L1CAM: variants seen among roughly 807,000 people sequenced by gnomAD.
L1CAM encodes neural cell adhesion molecule L1.
L1CAM carries 8 observed loss-of-function variants against 93.0 expected under a neutral mutation model. That is an observed-to-expected ratio of 0.09 (90% CI 0.05 to 0.16). The LOEUF is 0.16. L1CAM is among the 10% of genes least tolerant of loss of function. The pLI, the probability that L1CAM is intolerant of heterozygous loss-of-function variation, is 1.00. For synonymous variants in L1CAM, 453 were observed against 453.0 expected (o/e 1.00, Z 0.00); for missense variants, 777 against 1,073.4 (o/e 0.72, Z 3.86).
intron 1 of L1CAM, 173 bp downstream of exon 1, chrX:153,885,892 C>A: frequency 1.4e-6 from 1 of 691,979 alleles, no homozygotes; most frequent in Non-Finnish European, 1.8e-6. Flanking sequence ...TTACAGCCCG[C>A]GGTGCCCGGA....
intron 5 of L1CAM, among the ~76,000 whole-genome samples, chrX:153,871,934 G>A (rs2064774191): frequency 9.4e-6 from 1 of 106,429 alleles, no homozygotes; most frequent in Non-Finnish European, 1.9e-5. Flanking sequence ...GAGTGAAAGG[G>A]CATGAGATGA....
In L1CAM at chrX:153,865,045, G is replaced by C. The variant is rs781985695; in HGVS notation, c.2872+43C>G. On this transcript the variant is annotated intron_variant, in intron 22 of 28. Coordinates refer to ENST00000370060, the MANE Select transcript of L1CAM (RefSeq NM_001278116.2). ...GTGGCTGCAGCTCTGCCCCCTCCCC[G>C]TGGCCCCTCCACCTCCCTTCCCTGC... 15 of 1,210,516 alleles carry C rather than the reference G, an allele frequency of 1.2e-5. No individual in the cohort carries two copies. The African/African-American group carries it at 2.4e-4, about 20-fold the overall frequency.
chrX:153,865,078 G>A lies in L1CAM; in HGVS notation c.2872+10C>T. 2.5e-6 allele frequency: 3 copies of A among 1,211,253 alleles called. No individual in the cohort carries two copies. The highest frequency in any genetic ancestry group is 3.4e-6 in the Non-Finnish European group (3 of 895,413). On this transcript the variant is annotated intron_variant, in intron 22 of 28. Coordinates refer to ENST00000370060, the MANE Select transcript of L1CAM (RefSeq NM_001278116.2). ...TCCACCTCCCTTCCCTGCTGGGGCG[G>A]CGCACGCACGGGGGTGGTAGGAGAG...
chrX:153,885,496 C>A, intron 1 of L1CAM: 2 of 808,554 alleles, frequency 2.5e-6, no homozygotes, highest in Non-Finnish European at 1.6e-6. Flanking sequence ...ACAAAGCCCC[C>A]CCAACCTTGG....
chrX:153,863,177 G>A (rs1446986801), intron 28 of L1CAM, among the ~76,000 whole-genome samples, 191 bp downstream of exon 28: 2 of 111,815 alleles, frequency 1.8e-5, no homozygotes, highest in African/African-American at 6.5e-5. Context: ...GGGGAGCAGT[G>A]AAGGTATCTG....
intron 1 of L1CAM, chrX:153,876,242 C>T (rs2064813316): frequency 7.8e-6 from 3 of 383,218 alleles, no homozygotes; most frequent in Non-Finnish European, 1.4e-5. Flanking sequence ...GCCCCATCAG[C>T]TCCCCTGTGC....
chrX:153,869,834 G>A lies in L1CAM; in HGVS notation c.1092C>T (p.Val364=), dbSNP rs782563773. The change falls in exon 10 of 29, where the codon GTC becomes GTT. Residue 364 remains valine, a synonymous_variant. Coordinates refer to ENST00000370060, the MANE Select transcript of L1CAM (RefSeq NM_001278116.2). ...CQVQGRPQPE[V]TWRINGIPVE... ...CAGGGATCCCGTTGATTCTCCAGGT[G>A]ACCTCTGGTTGGGGCCTGCCCTGGA... 8 of 1,211,079 alleles carry A rather than the reference G, an allele frequency of 6.6e-6. No individual in the cohort carries two copies. The highest frequency in any genetic ancestry group is 2.3e-4 in the Middle Eastern group (1 of 4,356).
At position 153,868,550 on chromosome X, in the gene L1CAM, G is replaced by A. The variant is rs1557091872; in HGVS notation, c.1546+11C>T. On this transcript the variant is annotated intron_variant, in intron 13 of 28. Transcript: ENST00000370060. ...GAGGCACTGCCAGCCATGTGGCAAGGGTTGCCTGACCTTTAACCTTCAGGT... is the reference window on the plus strand; with the variant it reads ...GAGGCACTGCCAGCCATGTGGCAAGAGTTGCCTGACCTTTAACCTTCAGGT... 9 of 1,211,162 alleles carry A rather than the reference G, an allele frequency of 7.4e-6. No individual in the cohort carries two copies. In the African/African-American group the frequency reaches 1.4e-4, roughly 19 times the overall value.
In L1CAM at chrX:153,868,711, T is replaced by A. The variant is rs201070961; in HGVS notation, c.1396A>T (p.Thr466Ser). 1 of 1,211,741 alleles carries A rather than the reference T, an allele frequency of 8.3e-7. No homozygotes were observed. ...AAGCGTTCGTCCTGAAGCACTGTTG[T>A]CCCATCCTCGTCCAGCCTGGAGGGA... ...PSVQWLDEDG[T>S]TVLQDERFFP... Residue 466 changes from threonine (T) to serine (S), a missense_variant, in exon 13 of 29, where the codon ACA (threonine) becomes TCA (serine). Around this residue, in one of 5 missense-constraint regions of L1CAM, gnomAD observed 574 missense variants for 781.0 expected, o/e 0.73. Transcript: ENST00000370060.
chrX:153,880,994 A>T (rs1267404276), intron 1 of L1CAM, among the ~76,000 whole-genome samples: 1 of 112,383 alleles, frequency 8.9e-6, no homozygotes, highest in Admixed American at 9.3e-5. Flanking sequence ...AAAGAGACGG[A>T]GGTTAACCCT....
chrX:153,880,913 C>T (rs782060327), intron 1 of L1CAM, among the ~76,000 whole-genome samples: 1 of 111,946 alleles, frequency 8.9e-6, no homozygotes, highest in Non-Finnish European at 1.9e-5. Flanking sequence ...CCCCTCATCT[C>T]GCCTGAGGCT....
rs1603274411 is a variant in L1CAM at position 153,865,767 on chromosome X, G to C, written c.2484C>G (p.Ala828=). The C allele has an allele frequency of 2.5e-6, 3 of 1,209,727 alleles. No individual in the cohort carries two copies. The highest frequency in any genetic ancestry group is 1.8e-5 in the South Asian group (1 of 56,856). Residue 828 remains alanine, a synonymous_variant, in exon 20 of 29, where the codon GCC becomes GCG. Transcript: ENST00000370060. Reference sequence around the variant, plus strand: ...CCACCGGCCGCCACTTGACCAGCACGGCACTTGAGTTGAGGATTTCAATGC... The same window carrying C: ...CCACCGGCCGCCACTTGACCAGCACCGCACTTGAGTTGAGGATTTCAATGC... ...LEGIEILNSS[A]VLVKWRPVDL... is the part of the protein sequence containing the mutation.
chrX:153,870,432 G>A lies in L1CAM; in HGVS notation c.762C>T (p.Ala254=), dbSNP rs782632519. The stretch of plus-strand genomic sequence containing the variant: ...CCAGGACCAATGGCTGCCCCTGCAA[G>A]GCCACCAGGTGGCTGCTGGAGTTGG... ...FPTNSSSHLV[A]LQGQPLVLEC... Residue 254 remains alanine (A), a synonymous_variant, in exon 8 of 29, where the codon GCC becomes GCT. Transcript: ENST00000370060. 1 of 1,210,710 alleles carries A rather than the reference G, an allele frequency of 8.3e-7. No homozygotes were observed. Among genetic ancestry groups the A allele is most frequent in the Non-Finnish European group, 1.1e-6 (1 of 894,984 alleles).
chrX:153,885,720 G>A (rs1044259470), intron 1 of L1CAM: 2 of 405,170 alleles, frequency 4.9e-6, no homozygotes, highest in Non-Finnish European at 7.0e-6. Flanking sequence ...TCTCAGACAC[G>A]CACACACGCA....
chrX:153,879,538 G>C (rs1302606709), intron 1 of L1CAM, among the ~76,000 whole-genome samples: 1 of 112,354 alleles, frequency 8.9e-6, no homozygotes, highest in Non-Finnish European at 1.9e-5. Flanking sequence ...GTCAGTGGAG[G>C]GGCTTCCCGG....
Position 153,871,144 on chromosome X carries a change from C to A in L1CAM, c.436G>T (p.Val146Leu). ...PKWPKETVKP[V>L]EVEEGESVVL... Reference sequence around the variant, plus strand: ...ACTGACTCCCCTTCCTCCACCTCCACGGGCTTCACTGTCTCCTTTGGCCAC... The same window carrying A: ...ACTGACTCCCCTTCCTCCACCTCCAAGGGCTTCACTGTCTCCTTTGGCCAC... The change falls in exon 6 of 29, where the codon GTG becomes TTG. Residue 146 changes from valine (V) to leucine (L), a missense_variant. Val to Leu is a conservative substitution (Grantham distance 32). Transcript: ENST00000370060. 8.3e-7 allele frequency: 1 copy of A among 1,205,154 alleles called. No individual in the cohort carries two copies. The highest frequency in any genetic ancestry group is 1.8e-5 in the South Asian group (1 of 56,721).
chrX:153,877,027 G>T (rs782586197), intron 1 of L1CAM, among the ~76,000 whole-genome samples: 2 of 108,975 alleles, frequency 1.8e-5, no homozygotes, highest in Non-Finnish European at 3.8e-5. Context: ...AAAATAAAAG[G>T]CCAGGCACAG....
rs144708625 is a variant in L1CAM at position 153,872,156 on chromosome X, G to C, written c.396C>G (p.Ala132=). The part of the protein sequence containing the change: ...TAMSHEIRLM[A]EGAPKWPKET... ...GGTCCCTGCAGCGCCTCGCACCCTCGGCCATGAGCCGGATCTCATGGGACA... is the reference window on the plus strand; with the variant it reads ...GGTCCCTGCAGCGCCTCGCACCCTCCGCCATGAGCCGGATCTCATGGGACA... The change falls in exon 5 of 29, where the codon GCC becomes GCG. Residue 132 remains alanine (A), a synonymous_variant. Coordinates refer to ENST00000370060, the MANE Select transcript of L1CAM (RefSeq NM_001278116.2). 2.5e-6 allele frequency: 3 copies of C among 1,203,540 alleles called. No homozygotes were observed. The highest frequency in any genetic ancestry group is 5.9e-5 in the East Asian group (2 of 33,648).
intron 14 of L1CAM, 79 bp from the exon 15 acceptor site, chrX:153,868,201 C>A: frequency 8.3e-7 from 1 of 1,202,876 alleles, no homozygotes. Context: ...CTCCTTCCCC[C>A]GCTCCTGTCA....
Sources: gnomAD v4.1 joint callset for allele counts (sites outside exome capture counted in the v4.1 genomes callset) on GRCh38, gnomAD v4.1.1 for gene constraint, gnomAD v4.1.1 regional missense constraint, MANE v1.5 for transcripts, NCBI Gene and HGNC (gene_info 2026-07-23, HGNC 2026-07-21) for gene names.